Variants in TOP6BL observed in about 807,000 individuals in gnomAD.
The protein encoded by TOP6BL is type 2 DNA topoisomerase 6 subunit B-like.
chr11:66,813,772 A>C, the TOP6BL span: 1 of 1,134,616 alleles, frequency 8.8e-7, no homozygotes, highest in Non-Finnish European at 1.3e-6. Context: ...CACTTATGGG[A>C]GTGTAAACCA....
the TOP6BL span, chr11:66,771,472 G>C: frequency 1.3e-5 from 2 of 152,510 alleles, no homozygotes; most frequent in Admixed American, 1.3e-4. Flanking sequence ...TGGCTGCCAT[G>C]CTGGCTTTGC....
chr11:66,751,415 G>A, the TOP6BL span, among the ~76,000 whole-genome samples: 2 of 151,184 alleles, frequency 1.3e-5, no homozygotes, highest in Non-Finnish European at 2.9e-5. Context: ...GGATGGTCTC[G>A]ATCTCTTGAC....
At chr11:66,776,866 A>G in the TOP6BL span, among the ~76,000 whole-genome samples, 1 of 152,044 alleles carries the variant, frequency 6.6e-6, no homozygotes, top group Non-Finnish European at 1.5e-5. Context: ...CCTGGGCAGC[A>G]TGGCAAGACC....
chr11:66,761,904 G>T, the TOP6BL span: 2 of 1,268,418 alleles, frequency 1.6e-6, no homozygotes, highest in Non-Finnish European at 2.3e-6. Context: ...ATTCTTTATA[G>T]CTTCAACCAC....
chr11:66,799,326 C>A, the TOP6BL span, among the ~76,000 whole-genome samples: 1 of 144,572 alleles, frequency 6.9e-6, no homozygotes, highest in Non-Finnish European at 1.5e-5. Flanking sequence ...GTGGAGGTTG[C>A]GGTGAGCTGA....
the TOP6BL span, among the ~76,000 whole-genome samples, chr11:66,769,905 T>G: frequency 6.6e-6 from 1 of 151,414 alleles, no homozygotes; most frequent in Non-Finnish European, 1.5e-5. Flanking sequence ...CACGCCCGGC[T>G]AATTTTTTTT....
At chr11:66,787,887 T>C in the TOP6BL span, among the ~76,000 whole-genome samples, 1 of 152,184 alleles carries the variant, frequency 6.6e-6, no homozygotes. Context: ...GCATTAAACA[T>C]GACCTTGTGG....
chr11:66,811,472 A>G, the TOP6BL span, among the ~76,000 whole-genome samples: 1 of 152,186 alleles, frequency 6.6e-6, no homozygotes, highest in East Asian at 1.9e-4. Context: ...GACTACAGGC[A>G]TGAGCTACTG....
the TOP6BL span, among the ~76,000 whole-genome samples, chr11:66,796,776 C>T: frequency 6.9e-6 from 1 of 144,840 alleles, no homozygotes; most frequent in Non-Finnish European, 1.5e-5. Flanking sequence ...GAGCGAGACC[C>T]TGTCTTTGGA....
chr11:66,822,708 A>G, the TOP6BL span: 14 of 1,454,188 alleles, frequency 9.6e-6, no homozygotes, highest in Non-Finnish European at 1.3e-5. Context: ...GATGCTTAAA[A>G]GTGCCAGGGT....
chr11:66,781,384 T>C, the TOP6BL span, among the ~76,000 whole-genome samples: 1 of 152,224 alleles, frequency 6.6e-6, no homozygotes, highest in Non-Finnish European at 1.5e-5. Context: ...TTTTCAGTTA[T>C]AGAATTTCTT....
chr11:66,745,400 A>C, the TOP6BL span, among the ~76,000 whole-genome samples: 12 of 151,966 alleles, frequency 7.9e-5, no homozygotes, highest in African/African-American at 2.7e-4. Flanking sequence ...GCCCCGGTGC[A>C]GGTGCAGGTT....
At chr11:66,793,378 C>G in the TOP6BL span, among the ~76,000 whole-genome samples, 7 of 151,692 alleles carry the variant, frequency 4.6e-5, no homozygotes, top group African/African-American at 1.7e-4. Flanking sequence ...CAGGCATGAG[C>G]CACTGTGCCC....
the TOP6BL span, among the ~76,000 whole-genome samples, chr11:66,836,413 G>A: frequency 6.6e-6 from 1 of 151,938 alleles, no homozygotes; most frequent in South Asian, 2.1e-4. Context: ...GTTTCACAAT[G>A]TTAGCCAGGA....
the TOP6BL span, among the ~76,000 whole-genome samples, chr11:66,779,040 G>A: frequency 6.6e-6 from 1 of 152,132 alleles, no homozygotes; most frequent in East Asian, 1.9e-4. Context: ...TTACATGTTA[G>A]ACCTAAAACC....
At chr11:66,758,329 T>TTTTTTTTTTTTTTTG in the TOP6BL span, 2 of 105,354 alleles carry the variant, frequency 1.9e-5, no homozygotes, top group African/African-American at 3.5e-5. Context: ...TTTTTTTTTT[T>TTTTTTTTTTTTTTTG]GAGACGGAGT....
the TOP6BL span, chr11:66,804,248 A>G: frequency 7.3e-7 from 1 of 1,368,824 alleles, no homozygotes; most frequent in Non-Finnish European, 9.9e-7. Flanking sequence ...TTTATATCCC[A>G]GTTTTAGGAA....
At chr11:66,754,322 T>A in the TOP6BL span, among the ~76,000 whole-genome samples, 1 of 152,206 alleles carries the variant, frequency 6.6e-6, no homozygotes, top group Admixed American at 6.5e-5. Context: ...CTAGACTGGT[T>A]CTTTTTCCTT....
At chr11:66,758,601 AC>A in the TOP6BL span, among the ~76,000 whole-genome samples, 7 of 152,070 alleles carry the variant, frequency 4.6e-5, no homozygotes, top group Non-Finnish European at 7.4e-5. Context: ...GGCGTGAGCC[AC>A]CGCACCCGGC....
Sources: allele counts gnomAD v4.1 joint callset (sites outside exome capture counted in the v4.1 genomes callset), GRCh38; gene constraint gnomAD v4.1.1; transcripts MANE v1.5; gene names NCBI Gene and HGNC (gene_info 2026-07-23, HGNC 2026-07-21).